HDAC2: variants seen among roughly 807,000 people sequenced by gnomAD.
The protein encoded by HDAC2 is YY1-associated factor 1.
In HDAC2, 5 loss-of-function variants were observed where a neutral mutation model predicts 68.5. That is an observed-to-expected ratio of 0.07 (90% CI 0.04 to 0.15). The LOEUF is 0.15. Among genes scored for constraint, HDAC2 ranks in the 10% least tolerant of loss-of-function variants. The pLI, the probability that HDAC2 is intolerant of heterozygous loss-of-function variation, is 1.00. For missense variants in HDAC2, 291 were observed against 600.8 expected, an observed-to-expected ratio of 0.48 and a Z score of 5.39; for synonymous variants, 182 against 191.3, an observed-to-expected ratio of 0.95 and a Z score of 0.40.
In HDAC2 at chr6:113,936,862, C is replaced by G. The variant is rs1025615725; in HGVS notation, c.*4196G>C. ...CAAAAATTAGCCAGGTGTGGTGGTGCACACCTGTACTCCCAGCTGCTTGGG... is the reference window on the plus strand; with the variant it reads ...CAAAAATTAGCCAGGTGTGGTGGTGGACACCTGTACTCCCAGCTGCTTGGG... On this transcript the variant is annotated 3_prime_UTR_variant, in exon 14 of 14. Transcript: ENST00000519065. The G allele has an allele frequency of 2.6e-5, 4 of 152,028 alleles. No individual in the cohort carries two copies. Among genetic ancestry groups the G allele is most frequent in the Non-Finnish European group, 4.4e-5 (3 of 68,036 alleles). 9.4% of individuals were successfully genotyped at this position (152,028 alleles called of 1,614,324 possible).
In HDAC2 at chr6:113,955,927, TA is replaced by T; in HGVS notation, c.497+85del. ...CTATTTCAACCTATGGTTTACCTAATATTTTTTAAAGCCATAGACTTTATTT... is the reference window on the plus strand; with the variant it reads ...CTATTTCAACCTATGGTTTACCTAATTTTTTTAAAGCCATAGACTTTATTT... On this transcript the variant is annotated intron_variant, in intron 5 of 13. Coordinates refer to ENST00000519065, the MANE Select transcript of HDAC2 (RefSeq NM_001527.4). 10 of 946,956 alleles carry T rather than the reference TA, an allele frequency of 1.1e-5. No individual in the cohort carries two copies. In the South Asian group the frequency reaches 1.9e-4, roughly 18 times the overall value. 58.7% of individuals were successfully genotyped at this position (946,956 alleles called of 1,614,324 possible). A position where few individuals can be genotyped will look rare whatever the true frequency, so the allele number is the denominator to read the frequency against.
At position 113,936,829 on chromosome 6, in the gene HDAC2, T is replaced by C. The variant is rs1317862535; in HGVS notation, c.*4229A>G. 6.6e-6 allele frequency: 1 copy of C among 152,002 alleles called. No homozygotes were observed. The highest frequency in any genetic ancestry group is 2.4e-5 in the African/African-American group (1 of 41,370). The allele number at this position is 152,002 out of a possible 1,614,324, so 9.4% of individuals were successfully genotyped here. ...CAATATGGTGAGAACCCGTCTCTAC[T>C]AAATATACAAAAATTAGCCAGGTGT... is the stretch of plus-strand genomic sequence containing the variant. On this transcript the variant is annotated 3_prime_UTR_variant, in exon 14 of 14. Transcript: ENST00000519065.
chr6:113,949,110 T>C, intron 7 of HDAC2, 23 bp from the exon 8 acceptor site: 1 of 1,610,932 alleles, frequency 6.2e-7, no homozygotes, highest in Non-Finnish European at 8.5e-7. Context: ...TAACAAATGT[T>C]AGCATCTCCA....
rs1376883748 is a variant in HDAC2, at chr6:113,970,977, G to T, written c.-69C>A. 1.9e-6 allele frequency: 3 copies of T among 1,566,754 alleles called. No homozygotes were observed. The highest frequency in any genetic ancestry group is 2.6e-6 in the Non-Finnish European group (3 of 1,155,854). ...CTGCTGCTGCTGCTGCTGCCGCCGC[G>T]GCTCGGCCGGGAGAGAAAAGGGCTG... is the stretch of plus-strand genomic sequence containing the variant. On this transcript the variant is annotated 5_prime_UTR_variant, in exon 1 of 14. Transcript: ENST00000519065.
intron 8 of HDAC2, chr6:113,947,754 T>C (rs1257519459): frequency 6.6e-6 from 1 of 152,156 alleles, no homozygotes; most frequent in Non-Finnish European, 1.5e-5. Context: ...TTTAATATCA[T>C]TCCACTTAAC....
rs752435581 is a variant in HDAC2, at chr6:113,953,355, A to G, written c.561T>C (p.Ala187=). 3 of 1,580,606 alleles carry G rather than the reference A, an allele frequency of 1.9e-6. No individual in the cohort carries two copies. The highest frequency in any genetic ancestry group is 2.6e-6 in the Non-Finnish European group (3 of 1,149,832). ...DIHHGDGVEE[A]FYTTDRVMTV... is the part of the protein sequence containing the mutation. ...TCATTACACGATCTGTTGTATAAAAAGCTTCTTCAACACCATCACCATGAT... is the reference window on the plus strand; with the variant it reads ...TCATTACACGATCTGTTGTATAAAAGGCTTCTTCAACACCATCACCATGAT... Residue 187 remains alanine, a synonymous_variant, in exon 6 of 14, where the codon GCT becomes GCC. Coordinates refer to ENST00000519065, the MANE Select transcript of HDAC2 (RefSeq NM_001527.4).
intron 3 of HDAC2, among the ~76,000 whole-genome samples, chr6:113,958,251 A>T (rs1299795167): frequency 6.6e-6 from 1 of 152,216 alleles, no homozygotes. Context: ...AGAGATGTGT[A>T]TTATAGTCCA....
chr6:113,944,204 G>A, intron 11 of HDAC2, 76 bp downstream of exon 11: 1 of 1,227,880 alleles, frequency 8.1e-7, no homozygotes, highest in Non-Finnish European at 1.2e-6. Flanking sequence ...ACTTTATAGT[G>A]AAGTTCTTAG....
At chr6:113,949,357 T>C (rs1411996228) in intron 6 of HDAC2, 97 bp from the exon 7 acceptor site, 6 of 720,556 alleles carry the variant, frequency 8.3e-6, no homozygotes, top group African/African-American at 1.8e-5. Flanking sequence ...GACTAAGTAT[T>C]AAGGATCCAA....
rs1776020252 is a variant in HDAC2 at position 113,937,183 on chromosome 6, ACTT to A, written c.*3872_*3874del. ...ATCCTAAGCTATTGAAATGATTACTACTTGTTTTCAAAAGCCCTTATCATTTAT... is the reference window on the plus strand; with the variant it reads ...ATCCTAAGCTATTGAAATGATTACTAGTTTTCAAAAGCCCTTATCATTTAT... On this transcript the variant is annotated 3_prime_UTR_variant, in exon 14 of 14. Transcript: ENST00000519065. 1 of 152,194 alleles carries A rather than the reference ACTT, an allele frequency of 6.6e-6. No individual in the cohort carries two copies. Among genetic ancestry groups the A allele is most frequent in the African/African-American group, 2.4e-5 (1 of 41,446 alleles). 9.4% of individuals were successfully genotyped at this position (152,194 alleles called of 1,614,324 possible).
chr6:113,938,159 T>C lies in HDAC2; in HGVS notation c.*2899A>G, dbSNP rs1776048281. The C allele has an allele frequency of 6.6e-6, 1 of 152,106 alleles. No individual in the cohort carries two copies. Among genetic ancestry groups the C allele is most frequent in the Non-Finnish European group, 1.5e-5 (1 of 67,984 alleles). The allele number at this position is 152,106 out of a possible 1,614,324, so 9.4% of individuals were successfully genotyped here. On this transcript the variant is annotated 3_prime_UTR_variant, in exon 14 of 14. Transcript: ENST00000519065. The stretch of plus-strand genomic sequence containing the variant: ...GACTCCGTCTCAAAAAAAGAAAAAA[T>C]AAATAAACATAATAGGTTTAAAAAA...
intron 6 of HDAC2, among the ~76,000 whole-genome samples, chr6:113,952,160 T>A (rs562596589): frequency 6.6e-6 from 1 of 152,340 alleles, no homozygotes; most frequent in South Asian, 2.1e-4. Flanking sequence ...TCCCAGGTGA[T>A]GCTGATCTGC....
rs562037365 is a variant in HDAC2, at chr6:113,950,032, C to T, written c.640-772G>A. Among the ~76,000 whole-genome samples, 6 of 152,192 alleles carry T rather than the reference C, an allele frequency of 3.9e-5. No homozygotes were observed. In the South Asian group the frequency reaches 6.2e-4, roughly 16 times the overall value. The stretch of plus-strand genomic sequence containing the variant: ...CCCAACCTAGGTGATCCACCCACCT[C>T]GGCCCCCCAAGGTGCTGGGATTACA... On this transcript the variant is annotated intron_variant, in intron 6 of 13. Transcript: ENST00000519065.
rs753870308 is a variant in HDAC2, at chr6:113,944,368, A to C, written c.1134T>G (p.Pro378=). The C allele has an allele frequency of 6.2e-7, 1 of 1,612,692 alleles. No homozygotes were observed. Among genetic ancestry groups the C allele is most frequent in the Non-Finnish European group, 8.5e-7 (1 of 1,178,678 alleles). The change falls in exon 11 of 14, where the codon CCT becomes CCG. Residue 378 remains proline (P), a synonymous_variant. Coordinates refer to ENST00000519065, the MANE Select transcript of HDAC2 (RefSeq NM_001527.4). ...FENLRMLPHA[P]GVQMQAIPED... is the part of the protein sequence containing the mutation. Reference sequence around the variant, plus strand: ...CTGGAATAGCTTGCATCTGGACACCAGGTGCATGAGGTAACATGCGCAAAT... The same window carrying C: ...CTGGAATAGCTTGCATCTGGACACCCGGTGCATGAGGTAACATGCGCAAAT...
chr6:113,949,046 C>T lies in HDAC2; in HGVS notation c.774G>A (p.Val258=). 1 of 1,613,950 alleles carries T rather than the reference C, an allele frequency of 6.2e-7. No individual in the cohort carries two copies. The highest frequency in any genetic ancestry group is 8.5e-7 in the Non-Finnish European group (1 of 1,179,922). ...KVMEMYQPSA[V]VLQCGADSLS... is the part of the protein sequence containing the mutation. ...ATGAGTCTGCACCACACTGTAATACCACAGCACTAGGTTGATACATCTCCA... is the reference window on the plus strand; with the variant it reads ...ATGAGTCTGCACCACACTGTAATACTACAGCACTAGGTTGATACATCTCCA... The change falls in exon 8 of 14, where the codon GTG becomes GTA. Residue 258 remains valine, a synonymous_variant. Transcript: ENST00000519065.
At chr6:113,970,458 G>A in intron 1 of HDAC2, 1 of 1,065,488 alleles carries the variant, frequency 9.4e-7, no homozygotes, top group Non-Finnish European at 1.1e-6. Context: ...GGGGTAGGAG[G>A]CCGACGCGGG....
Position 113,956,134 on chromosome 6 carries a change from T to G in HDAC2, c.376A>C (p.Asn126His). ...ACAGCCATATCAGTCTGTTGTCGGT[T>G]TAACTTCACAGCTCCAGCTAAGAAG... ...GGSVAGAVKL[N>H]RQQTDMAVNW... Residue 126 changes from asparagine (N) to histidine (H), a missense_variant, in exon 5 of 14, where the codon AAC becomes CAC. Physicochemically the swap from Asn to His is moderately conservative, Grantham distance 68 (BLOSUM62 1). Around this residue, in one of 2 missense-constraint regions of HDAC2, gnomAD observed 154 missense variants for 472.1 expected, o/e 0.33. Transcript: ENST00000519065. The G allele has an allele frequency of 6.2e-7, 1 of 1,603,114 alleles. No homozygotes were observed. Among genetic ancestry groups the G allele is most frequent in the Non-Finnish European group, 8.5e-7 (1 of 1,177,016 alleles).
At chr6:113,964,003 C>T (rs914476211) in intron 1 of HDAC2, among the ~76,000 whole-genome samples, 1 of 152,046 alleles carries the variant, frequency 6.6e-6, no homozygotes, top group African/African-American at 2.4e-5. Context: ...GGTACACCTG[C>T]CATATATTAT....
chr6:113,963,225 A>C (rs2114617164), intron 1 of HDAC2, among the ~76,000 whole-genome samples: 1 of 151,800 alleles, frequency 6.6e-6, no homozygotes, highest in South Asian at 2.1e-4. Flanking sequence ...CTGGGATTAC[A>C]AGCGCCCACC....
Sources: allele counts gnomAD v4.1 joint callset (sites outside exome capture counted in the v4.1 genomes callset), GRCh38; gene constraint gnomAD v4.1.1; regional missense constraint gnomAD v4.1.1; transcripts MANE v1.5; gene names NCBI Gene and HGNC (gene_info 2026-07-23, HGNC 2026-07-21).